Variants in JADE2 observed in about 807,000 individuals in gnomAD.
JADE2 encodes the protein E3 ubiquitin-protein ligase Jade-2.
In JADE2, 13 loss-of-function variants were observed where a neutral mutation model predicts 85.7. The ratio of observed to expected loss-of-function variants is 0.15; its 90% CI spans 0.10 to 0.24. JADE2 has a LOEUF of 0.24. Among genes scored for constraint, JADE2 ranks in the 10% least tolerant of loss-of-function variants. The pLI is 1.00. For missense variants in JADE2, 846 were observed against 1,115.9 expected (o/e 0.76, Z 3.45); for synonymous variants, 440 against 456.1 (o/e 0.96, Z 0.45).
At chr5:134,525,261 G>A (rs1163118035), upstream of JADE2, among the ~76,000 whole-genome samples, 6 of 152,064 alleles carry the variant, frequency 3.9e-5, no homozygotes, top group African/African-American at 1.4e-4. Context: ...GAGTGGAGGG[G>A]CGGGGTATGT....
rs774730833 is a variant in JADE2, at chr5:134,566,094, C to T, written c.970-22C>T. ...CCACCAGGCTCCCTCCATGTCTGAT[C>T]CTGCCCCTCCTTTCCCCTCAGTGTT... On this transcript the variant is annotated intron_variant, in intron 8 of 11. Transcript: ENST00000681547. The surrounding 1 kb of genome is among the most constrained non-coding windows in gnomAD (Gnocchi z 6.7). 3.1e-6 allele frequency: 5 copies of T among 1,597,222 alleles called. No individual in the cohort carries two copies. The African/African-American group carries it at 5.4e-5, about 17-fold the overall frequency.
intron 4 of JADE2, among the ~76,000 whole-genome samples, chr5:134,552,628 C>G (rs568141264): frequency 6.6e-6 from 1 of 152,340 alleles, no homozygotes; most frequent in African/African-American, 2.4e-5. Context: ...AGCAAGCACT[C>G]TGTAATGTTG....
chr5:134,562,386 G>T lies in JADE2; in HGVS notation c.852+19G>T. On this transcript the variant is annotated intron_variant, in intron 7 of 11. Transcript: ENST00000681547. This position sits in a 1 kb window ranked among gnomAD's most constrained non-coding sequence, Gnocchi z 4.6. Reference sequence around the variant, plus strand: ...TCCTGAGGTGGGTGAGCGTGGAGGTGAGGCAGCCCAAGGAATAGCCCGTGG... The same window carrying T: ...TCCTGAGGTGGGTGAGCGTGGAGGTTAGGCAGCCCAAGGAATAGCCCGTGG... The T allele has an allele frequency of 6.3e-7, 1 of 1,598,390 alleles. No homozygotes were observed. The highest frequency in any genetic ancestry group is 1.7e-4 in the Middle Eastern group (1 of 5,992).
Position 134,562,371 on chromosome 5 carries a change from G to A in JADE2, c.852+4G>A, listed in dbSNP as rs1433982420. The A allele has an allele frequency of 3.1e-6, 5 of 1,607,984 alleles. No individual in the cohort carries two copies. The highest frequency in any genetic ancestry group is 4.3e-6 in the Non-Finnish European group (5 of 1,175,644). On this transcript the variant is annotated splice_donor_region_variant and intron_variant, in intron 7 of 11. Transcript: ENST00000681547. The surrounding 1 kb of genome is among the most constrained non-coding windows in gnomAD (Gnocchi z 4.6). Reference sequence around the variant, plus strand: ...CTGTGCCCTATGGATTCCTGAGGTGGGTGAGCGTGGAGGTGAGGCAGCCCA... The same window carrying A: ...CTGTGCCCTATGGATTCCTGAGGTGAGTGAGCGTGGAGGTGAGGCAGCCCA...
chr5:134,549,598 A>G (rs575767508), intron 3 of JADE2, among the ~76,000 whole-genome samples: 2 of 152,278 alleles, frequency 1.3e-5, no homozygotes, highest in African/African-American at 4.8e-5. Context: ...CAGAGGCTGC[A>G]GTGAACCGAG....
At position 134,526,313 on chromosome 5, in the gene JADE2, T is replaced by G. The variant is rs937208157; in HGVS notation, c.-1+302T>G. 136 of 985,134 alleles carry G rather than the reference T, an allele frequency of 1.4e-4. No homozygotes were observed. The African/African-American group carries it at 2.2e-3, about 16-fold the overall frequency. The allele number at this position is 985,134 out of a possible 1,614,324, so 61.0% of individuals were successfully genotyped here. On this transcript the variant is annotated intron_variant, in intron 1 of 11. Coordinates refer to ENST00000681547, the MANE Select transcript of JADE2 (RefSeq NM_001388185.1). Reference sequence around the variant, plus strand: ...TGAGCTTGGCGACCTTCTTTATTAATGACTGCGGCAAAGCGCCCCCGGGCC... The same window carrying G: ...TGAGCTTGGCGACCTTCTTTATTAAGGACTGCGGCAAAGCGCCCCCGGGCC...
At chr5:134,544,773 A>G (rs528278952) in intron 3 of JADE2, among the ~76,000 whole-genome samples, 1 of 152,292 alleles carries the variant, frequency 6.6e-6, no homozygotes, top group African/African-American at 2.4e-5. Flanking sequence ...CCCCAGACCC[A>G]GTGTCCTTGA....
chr5:134,580,562 C>G lies in JADE2; in HGVS notation c.*1245C>G, dbSNP rs1031379766. ...TCAGGGAACAACAAAAAAGGAATTC[C>G]GTGAAAACATTTTTTTTTCTTTGAT... On this transcript the variant is annotated 3_prime_UTR_variant, in exon 12 of 12. Coordinates refer to ENST00000681547, the MANE Select transcript of JADE2 (RefSeq NM_001388185.1). The G allele has an allele frequency of 6.6e-6, 1 of 151,930 alleles. No individual in the cohort carries two copies. Among genetic ancestry groups the G allele is most frequent in the South Asian group, 2.1e-4 (1 of 4,786 alleles). 9.4% of individuals were successfully genotyped at this position (151,930 alleles called of 1,614,324 possible).
At chr5:134,526,415 C>T in intron 1 of JADE2, 1 of 985,108 alleles carries the variant, frequency 1.0e-6, no homozygotes, top group Non-Finnish European at 1.2e-6. Context: ...GTAGGGGCTG[C>T]GGCGGGAGAT....
chr5:134,527,441 T>A (rs1218378892), intron 1 of JADE2, among the ~76,000 whole-genome samples: 2 of 151,982 alleles, frequency 1.3e-5, no homozygotes, highest in South Asian at 4.1e-4. Context: ...GGCTTCACTC[T>A]AGCTTCCAGA....
In JADE2 at chr5:134,525,906, C is replaced by T. The variant is rs1389559216; in HGVS notation, c.-106C>T. 1.0e-5 allele frequency: 10 copies of T among 985,732 alleles called. No individual in the cohort carries two copies. The highest frequency in any genetic ancestry group is 1.1e-4 in the East Asian group (1 of 8,800). The allele number at this position is 985,732 out of a possible 1,614,324, so 61.1% of individuals were successfully genotyped here. ...TGGATGCGCGCCCCCCGCCCTCCCG[C>T]GCCGGCCCCAGGAGCTCCCGGCTTC... On this transcript the variant is annotated 5_prime_UTR_variant, in exon 1 of 12. Coordinates refer to ENST00000681547, the MANE Select transcript of JADE2 (RefSeq NM_001388185.1).
intron 4 of JADE2, among the ~76,000 whole-genome samples, chr5:134,556,586 G>A (rs1265201559): frequency 8.2e-5 from 1 of 12,230 alleles, no homozygotes; most frequent in Non-Finnish European, 1.4e-4. Context: ...CATACCACAT[G>A]CACACACACA....
chr5:134,566,037 C>G lies in JADE2; in HGVS notation c.970-79C>G. 8.0e-7 allele frequency: 1 copy of G among 1,248,970 alleles called. No individual in the cohort carries two copies. The highest frequency in any genetic ancestry group is 1.1e-6 in the Non-Finnish European group (1 of 872,846). 77.4% of individuals were successfully genotyped at this position (1,248,970 alleles called of 1,614,324 possible). A position where few individuals can be genotyped will look rare whatever the true frequency, so the allele number is the denominator to read the frequency against. On this transcript the variant is annotated intron_variant, in intron 8 of 11. Coordinates refer to ENST00000681547, the MANE Select transcript of JADE2 (RefSeq NM_001388185.1). This position sits in a 1 kb window ranked among gnomAD's most constrained non-coding sequence, Gnocchi z 6.7. ...CCAGCATTGCGCATTCTCAGTAGAG[C>G]CCTGGGGGAAGCCCCTCTGTCTTCT... is the stretch of plus-strand genomic sequence containing the variant.
chr5:134,546,329 G>T (rs577747224), intron 3 of JADE2, among the ~76,000 whole-genome samples: 1 of 152,134 alleles, frequency 6.6e-6, no homozygotes, highest in South Asian at 2.1e-4. Flanking sequence ...ACCATAACTG[G>T]CTAATTTTTG....
At position 134,560,903 on chromosome 5, in the gene JADE2, C is replaced by T. The variant is rs369402545; in HGVS notation, c.630C>T (p.Gly210=). The T allele has an allele frequency of 1.2e-5, 19 of 1,613,992 alleles. No individual in the cohort carries two copies. Among genetic ancestry groups the T allele is most frequent in the Non-Finnish European group, 1.4e-5 (17 of 1,180,020 alleles). The change falls in exon 6 of 12, where the codon GGC becomes GGT. Residue 210 remains glycine, a synonymous_variant. Transcript: ENST00000681547. ...VVCDVCRSPE[G]EDGNEMVFCD... is the part of the protein sequence containing the mutation. Reference sequence around the variant, plus strand: ...GCGACGTGTGTCGCTCTCCTGAGGGCGAGGATGGCAACGAGATGGTCTTCT... The same window carrying T: ...GCGACGTGTGTCGCTCTCCTGAGGGTGAGGATGGCAACGAGATGGTCTTCT...
intron 1 of JADE2, among the ~76,000 whole-genome samples, chr5:134,534,743 A>G (rs1484602438): frequency 6.6e-6 from 1 of 152,018 alleles, no homozygotes; most frequent in African/African-American, 2.4e-5. Flanking sequence ...TGCTGTGGGG[A>G]GTCAGTCAGG....
chr5:134,528,459 A>T (rs1761020869), intron 1 of JADE2, among the ~76,000 whole-genome samples: 1 of 152,172 alleles, frequency 6.6e-6, no homozygotes, highest in Admixed American at 6.5e-5. Context: ...AATAACTATA[A>T]GGGGGAAGGA....
chr5:134,524,069 G>A (rs572574750), upstream of JADE2, among the ~76,000 whole-genome samples: 1 of 152,324 alleles, frequency 6.6e-6, no homozygotes, highest in South Asian at 2.1e-4. Context: ...GATAATCTGA[G>A]GGGCAGCCGA....
At chr5:134,561,558 T>A (rs1763325139) in intron 6 of JADE2, among the ~76,000 whole-genome samples, 1 of 144,176 alleles carries the variant, frequency 6.9e-6, no homozygotes, top group Non-Finnish European at 1.6e-5. Flanking sequence ...CTTGAGTATC[T>A]CTGGGCCTTG....
Sources: gnomAD v4.1 joint callset for allele counts (sites outside exome capture counted in the v4.1 genomes callset) on GRCh38, gnomAD v4.1.1 for gene constraint, Gnocchi (gnomAD v3.1) non-coding constraint, MANE v1.5 for transcripts, NCBI Gene and HGNC (gene_info 2026-07-23, HGNC 2026-07-21) for gene names.